Variants in PKHD1 observed in about 807,000 individuals in gnomAD.
The protein encoded by PKHD1 is fibrocystin.
PKHD1 carries 291 observed loss-of-function variants against 412.0 expected under a neutral mutation model. The observed-to-expected ratio is 0.71, with a 90% CI of 0.64 to 0.78. The LOEUF (loss-of-function observed/expected upper bound fraction) is 0.78. PKHD1 is among the 30% of genes least tolerant of loss of function. The probability of loss-of-function intolerance (pLI) is 0.00; values close to 1 mark genes in which losing one functional copy is unlikely to be tolerated. For synonymous variants in PKHD1, 1,777 were observed against 1,821.5 expected, an observed-to-expected ratio of 0.98 and a Z score of 0.62; for missense variants, 4,825 against 4,950.7, an observed-to-expected ratio of 0.97 and a Z score of 0.76.
At chr6:51,805,223 T>C (rs1322155958) in intron 52 of PKHD1, among the ~76,000 whole-genome samples, 2 of 152,238 alleles carry the variant, frequency 1.3e-5, no homozygotes, top group Non-Finnish European at 2.9e-5. Context: ...ATCATGTTCT[T>C]TGCAGCCACA....
chr6:52,054,833 G>A (rs736186), intron 19 of PKHD1, among the ~76,000 whole-genome samples: 15,336 of 152,084 alleles, frequency 0.1, 978 homozygotes, highest in Non-Finnish European at 0.14. Context: ...TCCACTGGGC[G>A]CCCCTGCAGA....
intron 34 of PKHD1, 94 bp downstream of exon 34, chr6:52,017,316 G>C: frequency 1.1e-6 from 1 of 929,448 alleles, no homozygotes; most frequent in South Asian, 1.3e-5. Flanking sequence ...CGGCTGCCAG[G>C]CCACATCCAC....
intron 16 of PKHD1, among the ~76,000 whole-genome samples, chr6:52,057,580 C>G (rs1439949083): frequency 6.6e-6 from 1 of 152,144 alleles, no homozygotes; most frequent in East Asian, 1.9e-4. Flanking sequence ...CCATGCCCAG[C>G]TAATTTTTGT....
intron 34 of PKHD1, among the ~76,000 whole-genome samples, chr6:52,016,585 G>T (rs1422149606): frequency 6.9e-6 from 1 of 145,594 alleles, no homozygotes; most frequent in Non-Finnish European, 1.5e-5. Context: ...GCAATGAACC[G>T]AGATCATGCC....
intron 20 of PKHD1, 137 bp downstream of exon 20, chr6:52,053,901 A>C: frequency 1.1e-6 from 1 of 873,364 alleles, no homozygotes; most frequent in Non-Finnish European, 1.8e-6. Context: ...TGTCAAATAA[A>C]ATATATTCAA....
intron 45 of PKHD1, 34 bp from the exon 46 acceptor site, chr6:51,883,261 A>C (rs1777665531): frequency 1.2e-6 from 2 of 1,606,728 alleles, no homozygotes; most frequent in Non-Finnish European, 1.7e-6. Context: ...CAAAGGTCTG[A>C]GGCTTGGTTT....
chr6:52,058,294 G>A, intron 16 of PKHD1, 29 bp downstream of exon 16: 1 of 1,612,394 alleles, frequency 6.2e-7, no homozygotes. Context: ...CCAGAGTTCA[G>A]CTCCATGGGA....
chr6:51,625,991 T>C (rs1223522713), intron 66 of PKHD1, among the ~76,000 whole-genome samples: 1 of 152,096 alleles, frequency 6.6e-6, no homozygotes, highest in Non-Finnish European at 1.5e-5. Flanking sequence ...GTCCAGGAAC[T>C]GGAGTATGGC....
At chr6:51,933,223 A>AG (rs1786926752) in intron 37 of PKHD1, among the ~76,000 whole-genome samples, 3 of 152,298 alleles carry the variant, frequency 2.0e-5, no homozygotes, top group South Asian at 4.1e-4. Flanking sequence ...GACTCTCAAG[A>AG]GGGAAAAAAA....
rs1562245049 is a variant in PKHD1, at chr6:52,055,575, A to T, written c.1836+12T>A. The T allele has an allele frequency of 6.8e-6, 11 of 1,613,918 alleles. No individual in the cohort carries two copies. Among genetic ancestry groups the T allele is most frequent in the Non-Finnish European group, 7.6e-6 (9 of 1,179,836 alleles). ...ACCCACCTGACCCAGAAGCACAAAG[A>T]CTGCTACTCACGTGTGTATACTGAT... On this transcript the variant is annotated intron_variant, in intron 19 of 66. Coordinates refer to ENST00000371117, the MANE Select transcript of PKHD1 (RefSeq NM_138694.4).
Position 51,691,725 on chromosome 6 carries a change from T to C in PKHD1, c.10157-31756A>G, listed in dbSNP as rs567565412. Among the ~76,000 whole-genome samples the C allele has an allele frequency of 1.9e-3, 286 of 152,108 alleles. 3 individuals carry two copies. Among genetic ancestry groups the C allele is most frequent in the Non-Finnish European group, 9.1e-4 (62 of 67,984 alleles). ...ATGAGTACTAGGCTTAATACCTGGG[T>C]GACAAAATAATCTGTACAACAAACC... On this transcript the variant is annotated intron_variant, in intron 60 of 66. Coordinates refer to ENST00000371117, the MANE Select transcript of PKHD1 (RefSeq NM_138694.4).
intron 43 of PKHD1, among the ~76,000 whole-genome samples, chr6:51,896,183 GC>G (rs1293280454): frequency 6.6e-6 from 1 of 152,140 alleles, no homozygotes; most frequent in Non-Finnish European, 1.5e-5. Context: ...AAGGAGGCCT[GC>G]CTGCCTCTGT....
chr6:51,896,224 C>A (rs969342214), intron 43 of PKHD1, among the ~76,000 whole-genome samples: 4 of 129,374 alleles, frequency 3.1e-5, no homozygotes, highest in Non-Finnish European at 4.8e-5. Context: ...AGGGCACAGA[C>A]AAACAGACAA....
At chr6:52,035,528 A>C in intron 28 of PKHD1, 63 bp downstream of exon 28, 1 of 1,439,496 alleles carries the variant, frequency 6.9e-7, no homozygotes, top group Non-Finnish European at 9.8e-7. Flanking sequence ...GATTCACTGA[A>C]AATGTTATAT....
chr6:51,989,871 AC>A (rs1458590318), intron 35 of PKHD1, among the ~76,000 whole-genome samples: 3 of 61,172 alleles, frequency 4.9e-5, no homozygotes, highest in African/African-American at 1.6e-4. Flanking sequence ...GAGGGAGGAA[AC>A]AAGGGAGAAA....
intron 63 of PKHD1, among the ~76,000 whole-genome samples, chr6:51,643,904 G>A (rs986722267): frequency 6.6e-6 from 1 of 151,572 alleles, no homozygotes. Flanking sequence ...GTGTCCATGT[G>A]TTCTCACTGG....
At chr6:51,985,755 G>C (rs1796128745) in intron 35 of PKHD1, among the ~76,000 whole-genome samples, 1 of 152,054 alleles carries the variant, frequency 6.6e-6, no homozygotes, top group African/African-American at 2.4e-5. Flanking sequence ...TAAAGCATAT[G>C]CTACCCTAAA....
chr6:51,726,625 A>T (rs1562176220), intron 60 of PKHD1, among the ~76,000 whole-genome samples: 1 of 152,290 alleles, frequency 6.6e-6, no homozygotes, highest in East Asian at 1.9e-4. Context: ...ATAATTTTTC[A>T]ATCAAAAACT....
chr6:51,788,452 T>C (rs1793229345), intron 53 of PKHD1, among the ~76,000 whole-genome samples: 1 of 151,622 alleles, frequency 6.6e-6, no homozygotes, highest in African/African-American at 2.4e-5. Flanking sequence ...TCCTTTATTC[T>C]GACTTCCAGT....
Sources: gnomAD v4.1 joint callset for allele counts (sites outside exome capture counted in the v4.1 genomes callset) on GRCh38, gnomAD v4.1.1 for gene constraint, MANE v1.5 for transcripts, NCBI Gene and HGNC (gene_info 2026-07-23, HGNC 2026-07-21) for gene names.